The following KIAA1217 variants were observed in gnomAD, a reference collection of about 807,000 sequenced individuals.
The protein encoded by KIAA1217 is sickle tail protein homolog.
KIAA1217 carries 88 observed loss-of-function variants against 163.9 expected under a neutral mutation model. That is an observed-to-expected ratio of 0.54 (90% CI 0.45 to 0.64). The LOEUF is 0.64. KIAA1217 is among the 30% of genes least tolerant of loss of function. KIAA1217 has a pLI of 0.00. For missense variants in KIAA1217, 2,372 were observed against 2,475.0 expected (o/e 0.96, Z 0.88); for synonymous variants, 903 against 923.1 (o/e 0.98, Z 0.39).
intron 1 of KIAA1217, among the ~76,000 whole-genome samples, chr10:23,988,262 G>A (rs550073923): frequency 1.4e-4 from 22 of 152,312 alleles, no homozygotes; most frequent in South Asian, 6.2e-4. Flanking sequence ...TTGTTGCTCC[G>A]CGAGCAGGCG....
At chr10:24,522,947 C>G (rs1334607098) in intron 12 of KIAA1217, among the ~76,000 whole-genome samples, 1 of 152,134 alleles carries the variant, frequency 6.6e-6, no homozygotes. Flanking sequence ...TGCACTCCAG[C>G]CTGGGAGACA....
In KIAA1217 at chr10:24,427,160, C is replaced by A. The variant is rs537867486; in HGVS notation, c.554-5835C>A. On this transcript the variant is annotated intron_variant, in intron 3 of 20. Coordinates refer to ENST00000376454, the MANE Select transcript of KIAA1217 (RefSeq NM_019590.5). ...ACACTGAGCATTGCAAGGTTCATAT[C>A]GACACTCACTCTGGCACAGGTTTCA... Among the ~76,000 whole-genome samples the A allele has an allele frequency of 1.2e-4, 18 of 152,194 alleles. No homozygotes were observed. The South Asian group carries it at 3.5e-3, about 30-fold the overall frequency.
intron 10 of KIAA1217, among the ~76,000 whole-genome samples, chr10:24,518,331 CA>C (rs373355812): frequency 0.3 from 45,332 of 152,064 alleles, 7,060 homozygotes; most frequent in Middle Eastern, 0.4. Context: ...AAGTAGGTAT[CA>C]TAAACGTTTG....
intron 5 of KIAA1217, among the ~76,000 whole-genome samples, chr10:24,459,906 G>C (rs560554465): frequency 1.3e-5 from 2 of 152,288 alleles, no homozygotes; most frequent in Non-Finnish European, 2.9e-5. Context: ...ACTACAACCT[G>C]AGCAACAGAA....
intron 1 of KIAA1217, among the ~76,000 whole-genome samples, chr10:23,926,410 T>C (rs760502092): frequency 3.3e-5 from 5 of 152,180 alleles, no homozygotes; most frequent in Non-Finnish European, 4.4e-5. Context: ...AATATTTCCA[T>C]ATGAGATGTG....
intron 2 of KIAA1217, among the ~76,000 whole-genome samples, chr10:24,120,901 A>G (rs1340278043): frequency 6.6e-6 from 1 of 152,204 alleles, no homozygotes. Flanking sequence ...TGTTGATGAC[A>G]TCTAGCAAGT....
rs766546439 is a variant in KIAA1217, at chr10:24,520,206, G to T, written c.2261G>T (p.Gly754Val). 4.3e-6 allele frequency: 7 copies of T among 1,614,018 alleles called. No homozygotes were observed. The Admixed American group carries it at 1.2e-4, about 27-fold the overall frequency. Residue 754 changes from glycine (G) to valine (V), a missense_variant, in exon 11 of 21, where the codon GGG becomes GTG. Around this residue, in one of 3 missense-constraint regions of KIAA1217, gnomAD observed 1,431 missense variants for 1,470.3 expected, o/e 0.97. Coordinates refer to ENST00000376454, the MANE Select transcript of KIAA1217 (RefSeq NM_019590.5). ...GTTACTCTGAAAGACGTGGAAGACG[G>T]GGCTTTCCTCCTGCGTCAAGTGGGA... ...RLVTLKDVEDGAFLLRQVGEA... is the reference protein window; with the variant it reads ...RLVTLKDVEDVAFLLRQVGEA...
In KIAA1217 at chr10:24,543,957, G is replaced by A. The variant is rs750739532; in HGVS notation, c.4687G>A (p.Asp1563Asn). The part of the protein sequence containing the change: ...NSECKGEDAT[D>N]DQFESPKKKF... ...GGAATGCAAGGGTGAGGACGCGACC[G>A]ATGACCAGTTTGAAAGCCCCAAGAA... Residue 1563 changes from aspartate (D) to asparagine (N), a missense_variant, in exon 19 of 21, where the codon GAT becomes AAT. This residue lies in a region of KIAA1217 where 690 missense variants were observed against 677.5 expected (regional missense o/e 1.02). Transcript: ENST00000376454. The A allele has an allele frequency of 7.4e-6, 12 of 1,613,928 alleles. No individual in the cohort carries two copies. Among genetic ancestry groups the A allele is most frequent in the East Asian group, 2.2e-5 (1 of 44,872 alleles).
chr10:24,239,697 T>TTG (rs371741568), intron 2 of KIAA1217, among the ~76,000 whole-genome samples: 2,838 of 81,048 alleles, frequency 0.035, 45 homozygotes, highest in Non-Finnish European at 0.051. Context: ...GTGTGTGTGT[T>TTG]TGTGTGTGTG....
intron 2 of KIAA1217, among the ~76,000 whole-genome samples, chr10:24,268,364 AAAAAAC>A (rs1216269425): frequency 6.6e-6 from 1 of 152,172 alleles, no homozygotes; most frequent in East Asian, 1.9e-4. Context: ...TGTCCATTTT[AAAAAAC>A]AAACAACCCC....
chr10:24,088,285 A>G lies in KIAA1217; in HGVS notation c.-171+80911A>G, dbSNP rs1342428363. On this transcript the variant is annotated intron_variant, in intron 2 of 18. Transcript: ENST00000376462. ...TATATATATATATATACACACATAT[A>G]TGTGTATATATATATATATATTTAT... is the stretch of plus-strand genomic sequence containing the variant. 2.7e-5 allele frequency among the ~76,000 whole-genome samples: 3 copies of G among 111,744 alleles called. 1 individual carries two copies. Among genetic ancestry groups the G allele is most frequent in the Non-Finnish European group, 4.3e-5 (2 of 46,426 alleles). 73.3% of individuals were successfully genotyped at this position (111,744 alleles called of 152,430 possible). A position where few individuals can be genotyped will look rare whatever the true frequency, so the allele number is the denominator to read the frequency against.
intron 2 of KIAA1217, among the ~76,000 whole-genome samples, chr10:24,352,447 C>G (rs1294130350): frequency 6.6e-6 from 1 of 152,194 alleles, no homozygotes; most frequent in Non-Finnish European, 1.5e-5. Context: ...GCTTGCTGAT[C>G]TGCCTATTAT....
intron 2 of KIAA1217, among the ~76,000 whole-genome samples, chr10:24,105,636 T>G (rs1211906827): frequency 6.6e-6 from 1 of 152,210 alleles, no homozygotes; most frequent in Non-Finnish European, 1.5e-5. Context: ...CCCTTGGAGC[T>G]TAGTGGGTCC....
chr10:24,256,809 G>A (rs1490445087), intron 2 of KIAA1217, among the ~76,000 whole-genome samples: 1 of 152,168 alleles, frequency 6.6e-6, no homozygotes, highest in Non-Finnish European at 1.5e-5. Flanking sequence ...TTGTGTTGAG[G>A]TGATATTGAG....
chr10:24,500,687 T>A (rs1031315099), intron 8 of KIAA1217, among the ~76,000 whole-genome samples: 3 of 152,218 alleles, frequency 2.0e-5, no homozygotes, highest in African/African-American at 7.2e-5. Context: ...ACATTTGCTG[T>A]GCAGAAAATA....
At chr10:24,137,734 A>G (rs1395206090) in intron 2 of KIAA1217, among the ~76,000 whole-genome samples, 3 of 152,222 alleles carry the variant, frequency 2.0e-5, no homozygotes, top group African/African-American at 7.2e-5. Flanking sequence ...TATTATCAAA[A>G]ATATCCTATT....
chr10:24,035,918 A>G (rs769624383), intron 2 of KIAA1217, among the ~76,000 whole-genome samples: 1 of 152,210 alleles, frequency 6.6e-6, no homozygotes, highest in Non-Finnish European at 1.5e-5. Context: ...AGATCCTCAG[A>G]GCCAGCCCCC....
chr10:24,544,446 G>A lies in KIAA1217; in HGVS notation c.5176G>A (p.Glu1726Lys). The A allele has an allele frequency of 6.2e-7, 1 of 1,613,984 alleles. No individual in the cohort carries two copies. Among genetic ancestry groups the A allele is most frequent in the Non-Finnish European group, 8.5e-7 (1 of 1,179,944 alleles). ...TCCGGATGAAGGTCCCACTGCCCTA[G>A]AGCCCCCTACGTCGATACCTTCAGC... The part of the protein sequence containing the change: ...LVPDEGPTAL[E>K]PPTSIPSASR... Residue 1726 changes from glutamate to lysine, a missense_variant, in exon 19 of 21, where the codon GAG (glutamate) becomes AAG (lysine). Transcript: ENST00000376454.
chr10:24,354,106 TG>T (rs2048781987), intron 2 of KIAA1217, among the ~76,000 whole-genome samples: 1 of 152,226 alleles, frequency 6.6e-6, no homozygotes, highest in African/African-American at 2.4e-5. Flanking sequence ...ACATATGAAC[TG>T]CCAATTGATG....
Sources: allele counts gnomAD v4.1 joint callset (sites outside exome capture counted in the v4.1 genomes callset), GRCh38; gene constraint gnomAD v4.1.1; regional missense constraint gnomAD v4.1.1; transcripts MANE v1.5; gene names NCBI Gene and HGNC (gene_info 2026-07-23, HGNC 2026-07-21).